The following DPYSL5 variants were observed in gnomAD, a reference collection of about 807,000 sequenced individuals.
DPYSL5 encodes dihydropyrimidinase-related protein 5.
A neutral mutation model predicts 58.4 loss-of-function variants in DPYSL5; 9 were observed. The ratio of observed to expected loss-of-function variants is 0.15; its 90% confidence interval spans 0.09 to 0.27. DPYSL5 has a LOEUF of 0.27. Ranked by LOEUF, DPYSL5 falls within the 10% of genes least tolerant of loss-of-function variation. The pLI, the probability that DPYSL5 is intolerant of heterozygous loss-of-function variation, is 1.00. For synonymous variants in DPYSL5, 293 were observed against 301.9 expected (o/e 0.97, Z 0.31); for missense variants, 499 against 770.6 (o/e 0.65, Z 4.17).
At chr2:26,930,042 C>G (rs767624027) in intron 5 of DPYSL5, among the ~76,000 whole-genome samples, 1 of 152,224 alleles carries the variant, frequency 6.6e-6, no homozygotes, top group South Asian at 2.1e-4. Context: ...TGTGGTGGCA[C>G]TGCCATTACC....
chr2:26,866,662 AC>A (rs1276920451), intron 1 of DPYSL5, among the ~76,000 whole-genome samples: 1 of 150,816 alleles, frequency 6.6e-6, no homozygotes, highest in African/African-American at 2.4e-5. Context: ...TATCACATGA[AC>A]CCCCCAAATA....
Position 26,924,838 on chromosome 2 carries a change from T to G in DPYSL5, c.262-49T>G. 6.3e-7 allele frequency: 1 copy of G among 1,587,902 alleles called. No individual in the cohort carries two copies. The highest frequency in any genetic ancestry group is 8.6e-7 in the Non-Finnish European group (1 of 1,166,438). ...GACCATGTCTCACCACATCATTGAC[T>G]CGGGGGCAGGCAGGGCTGTGACGAG... is the stretch of plus-strand genomic sequence containing the variant. On this transcript the variant is annotated intron_variant, in intron 2 of 12. Transcript: ENST00000288699. This position sits in a 1 kb window ranked among gnomAD's most constrained non-coding sequence, Gnocchi z 4.7.
chr2:26,865,206 C>A lies in DPYSL5; in HGVS notation c.-5+16952C>A, dbSNP rs571018722. On this transcript the variant is annotated intron_variant, in intron 1 of 12. Transcript: ENST00000288699. ...TTTCTTTGGAAACCTTTGTTCACAT[C>A]CTTCATGCTCCAAATAGCCAACAAA... 5.9e-5 allele frequency among the ~76,000 whole-genome samples: 9 copies of A among 152,014 alleles called. No individual in the cohort carries two copies. The East Asian group carries it at 1.2e-3, about 20-fold the overall frequency.
intron 8 of DPYSL5, among the ~76,000 whole-genome samples, chr2:26,935,351 G>A (rs2148169679): frequency 6.6e-6 from 1 of 152,226 alleles, no homozygotes; most frequent in South Asian, 2.1e-4. Flanking sequence ...AAGGGTTTCT[G>A]TTTTATCCCA....
intron 1 of DPYSL5, among the ~76,000 whole-genome samples, chr2:26,855,932 T>C (rs1156608781): frequency 6.6e-6 from 1 of 152,222 alleles, no homozygotes; most frequent in African/African-American, 2.4e-5. Context: ...TCATTTAATA[T>C]CTTTTTGCTC....
chr2:26,940,582 C>T (rs1347610988), intron 9 of DPYSL5, among the ~76,000 whole-genome samples: 1 of 150,832 alleles, frequency 6.6e-6, no homozygotes, highest in South Asian at 2.1e-4. Context: ...TCCACCTCTG[C>T]CTCCTTAAGT....
chr2:26,860,985 G>C (rs1168239724), intron 1 of DPYSL5, among the ~76,000 whole-genome samples: 3 of 152,160 alleles, frequency 2.0e-5, no homozygotes, highest in Admixed American at 6.5e-5. Flanking sequence ...TGTCTAAACA[G>C]TAATAATAAT....
chr2:26,895,111 C>A (rs1663980016), intron 1 of DPYSL5, among the ~76,000 whole-genome samples: 1 of 152,214 alleles, frequency 6.6e-6, no homozygotes, highest in Non-Finnish European at 1.5e-5. Flanking sequence ...CCATAGTTGT[C>A]AAGATCATGC....
chr2:26,881,841 C>A (rs149530016), intron 1 of DPYSL5, among the ~76,000 whole-genome samples: 1 of 152,148 alleles, frequency 6.6e-6, no homozygotes, highest in African/African-American at 2.4e-5. Flanking sequence ...CCTGTAATCC[C>A]AGCACTTTGG....
intron 6 of DPYSL5, among the ~76,000 whole-genome samples, chr2:26,932,159 G>GA (rs1296824988): frequency 2.4e-4 from 14 of 57,284 alleles, no homozygotes; most frequent in African/African-American, 8.9e-4. Flanking sequence ...AAGAAAGAAA[G>GA]AAAGAAAGAA....
chr2:26,931,063 C>G (rs1211694238), intron 5 of DPYSL5, among the ~76,000 whole-genome samples: 1 of 148,416 alleles, frequency 6.7e-6, no homozygotes, highest in Non-Finnish European at 1.5e-5. Flanking sequence ...CGCTTGAGCC[C>G]TAGAGGTGGA....
intron 6 of DPYSL5, among the ~76,000 whole-genome samples, chr2:26,932,996 C>T (rs1020965826): frequency 2.6e-5 from 4 of 152,152 alleles, no homozygotes; most frequent in South Asian, 2.1e-4. Context: ...TCAGACTTGA[C>T]GGTCTTGAAC....
intron 2 of DPYSL5, among the ~76,000 whole-genome samples, chr2:26,909,470 TAAAC>T (rs916855007): frequency 8.5e-5 from 13 of 152,092 alleles, no homozygotes; most frequent in African/African-American, 3.1e-4. Flanking sequence ...AAAATAAAAT[TAAAC>T]AAGGCGGGGC....
In DPYSL5 at chr2:26,880,887, G is replaced by A. The variant is rs574329736; in HGVS notation, c.-4-17609G>A. 3.3e-5 allele frequency among the ~76,000 whole-genome samples: 5 copies of A among 152,320 alleles called. No homozygotes were observed. In the East Asian group the frequency reaches 9.6e-4, roughly 29 times the overall value. The stretch of plus-strand genomic sequence containing the variant: ...GTCCCCTCTATGTGCCAAACCCTCA[G>A]AGGACAAAATAAGGCATAGGCTTGG... On this transcript the variant is annotated intron_variant, in intron 1 of 12. Coordinates refer to ENST00000288699, the MANE Select transcript of DPYSL5 (RefSeq NM_020134.4).
intron 6 of DPYSL5, 99 bp downstream of exon 6, chr2:26,931,783 G>T: frequency 7.7e-7 from 1 of 1,294,178 alleles, no homozygotes; most frequent in Non-Finnish European, 1.1e-6. Context: ...CGAGGTGCGT[G>T]GATCACCTGA....
Position 26,933,286 on chromosome 2 carries a change from T to G in DPYSL5, c.743T>G (p.Val248Gly). ...RTHCPIYLVN[V>G]SSISAGDVIA... ...CACTGTCCAATCTACCTGGTCAACG[T>G]GTCCAGTATCTCGGCTGGTGACGTT... The change falls in exon 7 of 13, where the codon GTG becomes GGG. Residue 248 changes from valine to glycine, a missense_variant. Around this residue, in one of 3 missense-constraint regions of DPYSL5, gnomAD observed 404 missense variants for 647.6 expected, o/e 0.62. Transcript: ENST00000288699. The surrounding 1 kb of genome is among the most constrained non-coding windows in gnomAD (Gnocchi z 4.2). 1 of 1,614,210 alleles carries G rather than the reference T, an allele frequency of 6.2e-7. No homozygotes were observed. Among genetic ancestry groups the G allele is most frequent in the Non-Finnish European group, 8.5e-7 (1 of 1,180,016 alleles).
intron 2 of DPYSL5, among the ~76,000 whole-genome samples, chr2:26,919,393 A>G (rs909201464): frequency 1.3e-5 from 2 of 152,232 alleles, no homozygotes; most frequent in Non-Finnish European, 2.9e-5. Context: ...CATCAAATAA[A>G]TCCAGCTTTA....
At chr2:26,876,196 T>C (rs1261093295) in intron 1 of DPYSL5, among the ~76,000 whole-genome samples, 1 of 152,192 alleles carries the variant, frequency 6.6e-6, no homozygotes, top group Non-Finnish European at 1.5e-5. Context: ...TGCTCCCATT[T>C]TGTAGCCATT....
Position 26,944,416 on chromosome 2 carries a change from G to A in DPYSL5, c.1441-240G>A, listed in dbSNP as rs1665411773. Among the ~76,000 whole-genome samples the A allele has an allele frequency of 1.3e-5, 2 of 152,166 alleles. No individual in the cohort carries two copies. Among genetic ancestry groups the A allele is most frequent in the Non-Finnish European group, 2.9e-5 (2 of 68,034 alleles). On this transcript the variant is annotated intron_variant, in intron 11 of 12. Coordinates refer to ENST00000288699, the MANE Select transcript of DPYSL5 (RefSeq NM_020134.4). This position sits in a 1 kb window ranked among gnomAD's most constrained non-coding sequence, Gnocchi z 4.4. ...TACACATGCATGCACACACACATGTGCACTCACATACATGCACGCATGCAC... is the reference window on the plus strand; with the variant it reads ...TACACATGCATGCACACACACATGTACACTCACATACATGCACGCATGCAC...
Sources: gnomAD v4.1 joint callset for allele counts (sites outside exome capture counted in the v4.1 genomes callset) on GRCh38, gnomAD v4.1.1 for gene constraint, gnomAD v4.1.1 regional missense constraint, Gnocchi (gnomAD v3.1) non-coding constraint, MANE v1.5 for transcripts, NCBI Gene and HGNC (gene_info 2026-07-23, HGNC 2026-07-21) for gene names.